Variants in FBXL7 observed in about 807,000 individuals in gnomAD.
The protein encoded by FBXL7 is F-box and leucine rich repeat protein 7.
FBXL7 carries 12 observed loss-of-function variants against 38.3 expected under a neutral mutation model. The ratio of observed to expected loss-of-function variants is 0.31; its 90% CI spans 0.20 to 0.51. The LOEUF (loss-of-function observed/expected upper bound fraction) is 0.51, where lower values mean the gene tolerates loss of function less well. Ranked by LOEUF, FBXL7 falls within the 20% of genes least tolerant of loss-of-function variation. The pLI, the probability that FBXL7 is intolerant of heterozygous loss-of-function variation, is 0.98. For synonymous variants in FBXL7, 297 were observed against 300.9 expected, an observed-to-expected ratio of 0.99 and a Z score of 0.13; for missense variants, 567 against 676.4, an observed-to-expected ratio of 0.84 and a Z score of 1.79.
At chr5:15,516,664 T>C (rs1162482670) in intron 1 of FBXL7, among the ~76,000 whole-genome samples, 1 of 151,890 alleles carries the variant, frequency 6.6e-6, no homozygotes, top group African/African-American at 2.4e-5. Flanking sequence ...ATTGAAATAA[T>C]TCTCCCACAT....
intron 2 of FBXL7, among the ~76,000 whole-genome samples, chr5:15,786,711 TA>T (rs1415180083): frequency 1.3e-5 from 2 of 152,286 alleles, no homozygotes; most frequent in East Asian, 3.9e-4. Context: ...TTAAATTTAA[TA>T]AAAAAATTAA....
chr5:15,515,061 T>A (rs528067616), intron 1 of FBXL7, among the ~76,000 whole-genome samples: 9 of 152,194 alleles, frequency 5.9e-5, no homozygotes, highest in Non-Finnish European at 1.2e-4. Flanking sequence ...TCTCAGAGGC[T>A]GTTTACCAAG....
At chr5:15,893,115 C>CAAA (rs931760815) in intron 2 of FBXL7, among the ~76,000 whole-genome samples, 4 of 71,614 alleles carry the variant, frequency 5.6e-5, no homozygotes, top group African/African-American at 1.5e-4. Context: ...GACTCTGTCT[C>CAAA]AAAAAAAAAA....
At chr5:15,906,153 C>A (rs760239012) in intron 2 of FBXL7, among the ~76,000 whole-genome samples, 2 of 151,828 alleles carry the variant, frequency 1.3e-5, no homozygotes, top group Non-Finnish European at 2.9e-5. Flanking sequence ...TTCCTTCCCT[C>A]CTGGTTCCAA....
intron 2 of FBXL7, among the ~76,000 whole-genome samples, chr5:15,808,107 C>T (rs1479018750): frequency 1.3e-5 from 2 of 150,940 alleles, no homozygotes; most frequent in African/African-American, 4.9e-5. Flanking sequence ...AAATTACTCA[C>T]ATGCTCCTGA....
chr5:15,594,710 G>C (rs1561043291), intron 1 of FBXL7, among the ~76,000 whole-genome samples: 1 of 152,234 alleles, frequency 6.6e-6, no homozygotes, highest in Non-Finnish European at 1.5e-5. Context: ...GGTTTTCAGA[G>C]TTATAGACTG....
intron 2 of FBXL7, among the ~76,000 whole-genome samples, chr5:15,674,593 G>C (rs889265645): frequency 1.3e-5 from 2 of 151,992 alleles, no homozygotes; most frequent in African/African-American, 2.4e-5. Context: ...TAACTCATAG[G>C]GTTTGTAATT....
At chr5:15,874,516 C>A (rs533537037) in intron 2 of FBXL7, among the ~76,000 whole-genome samples, 33 of 152,274 alleles carry the variant, frequency 2.2e-4, no homozygotes, top group African/African-American at 7.5e-4. Context: ...ATTTAGAGAA[C>A]CCCATCATCT....
chr5:15,737,728 G>C (rs866261929), intron 2 of FBXL7, among the ~76,000 whole-genome samples: 12 of 152,178 alleles, frequency 7.9e-5, no homozygotes, highest in Middle Eastern at 3.2e-3. Context: ...GTATACATTA[G>C]AGCAGAGTTC....
Position 15,928,497 on chromosome 5 carries a change from G to C in FBXL7, c.735G>C (p.Val245=). The C allele has an allele frequency of 6.2e-7, 1 of 1,609,236 alleles. No homozygotes were observed. Among genetic ancestry groups the C allele is most frequent in the Non-Finnish European group, 8.5e-7 (1 of 1,176,666 alleles). Residue 245 remains valine, a synonymous_variant, in exon 3 of 4, where the codon GTG becomes GTC. Coordinates refer to ENST00000504595, the MANE Select transcript of FBXL7 (RefSeq NM_012304.5). This position sits in a 1 kb window ranked among gnomAD's most constrained non-coding sequence, Gnocchi z 4.0. ...SLCPNLEHLD[V]SGCSKVTCIS... ...GCCCTAATCTGGAGCACCTGGATGT[G>C]TCAGGTAAATGGACACTGACCTACC...
At chr5:15,602,036 C>A (rs978495527) in intron 1 of FBXL7, among the ~76,000 whole-genome samples, 1 of 152,048 alleles carries the variant, frequency 6.6e-6, no homozygotes, top group Non-Finnish European at 1.5e-5. Flanking sequence ...TAAGGCTGCA[C>A]CTGGAGTTCT....
At chr5:15,689,740 AAC>A (rs1180815519) in intron 2 of FBXL7, among the ~76,000 whole-genome samples, 1 of 152,230 alleles carries the variant, frequency 6.6e-6, no homozygotes, top group African/African-American at 2.4e-5. Context: ...AGTTGCTCAC[AAC>A]AGTCTTTTAA....
At chr5:15,848,893 G>C (rs1739009487) in intron 2 of FBXL7, among the ~76,000 whole-genome samples, 2 of 152,302 alleles carry the variant, frequency 1.3e-5, no homozygotes, top group South Asian at 2.1e-4. Context: ...ATTTTTGACT[G>C]TTTAAAAGGA....
intron 2 of FBXL7, among the ~76,000 whole-genome samples, chr5:15,903,021 C>A (rs560628419): frequency 2.4e-4 from 37 of 152,224 alleles, no homozygotes; most frequent in Non-Finnish European, 4.8e-4. Context: ...GATACAGCAT[C>A]ACCACTGTGA....
intron 2 of FBXL7, among the ~76,000 whole-genome samples, chr5:15,858,364 C>A (rs1213516292): frequency 6.6e-6 from 1 of 151,854 alleles, no homozygotes; most frequent in Admixed American, 6.6e-5. Context: ...CTACAGTAAA[C>A]CATTCAGCTA....
At chr5:15,901,913 C>G (rs1056872614) in intron 2 of FBXL7, among the ~76,000 whole-genome samples, 2 of 149,936 alleles carry the variant, frequency 1.3e-5, no homozygotes, top group Non-Finnish European at 2.9e-5. Flanking sequence ...CTGCATCCTT[C>G]AACATTTAAC....
intron 2 of FBXL7, among the ~76,000 whole-genome samples, chr5:15,791,715 G>T (rs1737281140): frequency 6.6e-6 from 1 of 152,134 alleles, no homozygotes. Flanking sequence ...GACTTTGTGT[G>T]GCAGAGGAAT....
In FBXL7 at chr5:15,928,558, G is replaced by C; in HGVS notation, c.739+57G>C. 7 of 1,548,998 alleles carry C rather than the reference G, an allele frequency of 4.5e-6. No individual in the cohort carries two copies. The highest frequency in any genetic ancestry group is 6.1e-6 in the Non-Finnish European group (7 of 1,146,950). On this transcript the variant is annotated intron_variant, in intron 3 of 3. Transcript: ENST00000504595. This position sits in a 1 kb window ranked among gnomAD's most constrained non-coding sequence, Gnocchi z 4.0. Reference sequence around the variant, plus strand: ...CCTCCTGGTGCACCATCCTAAAACAGTGGGGACAGTGCCACCACCGGAGGG... The same window carrying C: ...CCTCCTGGTGCACCATCCTAAAACACTGGGGACAGTGCCACCACCGGAGGG...
chr5:15,906,762 C>T (rs1741379553), intron 2 of FBXL7, among the ~76,000 whole-genome samples: 1 of 72,346 alleles, frequency 1.4e-5, no homozygotes, highest in Non-Finnish European at 2.6e-5. Context: ...TGAGAATATG[C>T]GGTGTTTGGT....
Sources: allele counts gnomAD v4.1 joint callset (sites outside exome capture counted in the v4.1 genomes callset), GRCh38; gene constraint gnomAD v4.1.1; non-coding constraint Gnocchi (gnomAD v3.1); transcripts MANE v1.5; gene names NCBI Gene and HGNC (gene_info 2026-07-23, HGNC 2026-07-21).